Variants in ATP6V0A2 observed in about 807,000 individuals in gnomAD.
ATP6V0A2 encodes the protein ATPase H+ transporting V0 subunit a2.
Under a neutral mutation model 104.4 loss-of-function variants are expected in ATP6V0A2, and 58 were observed. The observed-to-expected ratio is 0.56, with a 90% CI of 0.45 to 0.69. ATP6V0A2 has a LOEUF of 0.69. ATP6V0A2 is among the 30% of genes least tolerant of loss of function. The pLI is 0.00. For missense variants in ATP6V0A2, 938 were observed against 1,062.9 expected, an observed-to-expected ratio of 0.88 and a Z score of 1.63; for synonymous variants, 376 against 397.9, an observed-to-expected ratio of 0.95 and a Z score of 0.65.
chr12:123,716,910 C>T (rs1342154090), intron 1 of ATP6V0A2, among the ~76,000 whole-genome samples: 2 of 145,406 alleles, frequency 1.4e-5, no homozygotes, highest in Non-Finnish European at 3.0e-5. Context: ...CTACCCCCAC[C>T]CCCCCAGCAC....
In ATP6V0A2 at chr12:123,743,820, TA is replaced by T; in HGVS notation, c.1075del (p.Ile359Ter). ...GTGCTACAATCCCCTCATTCATGAATATAATCCCCACAAAAGAAACACCCCC... is the reference window on the plus strand; with the variant it reads ...GTGCTACAATCCCCTCATTCATGAATTAATCCCCACAAAAGAAACACCCCC... ...SGATIPSFMN[I>X]IPTKETPPTR... On this transcript the variant is annotated frameshift_variant, in exon 10 of 20. Transcript: ENST00000330342. LOFTEE classifies it high-confidence loss of function. 2 of 1,614,172 alleles carry T rather than the reference TA, an allele frequency of 1.2e-6. No individual in the cohort carries two copies. Among genetic ancestry groups the T allele is most frequent in the Non-Finnish European group, 1.7e-6 (2 of 1,180,018 alleles).
intron 9 of ATP6V0A2, among the ~76,000 whole-genome samples, chr12:123,743,346 C>T (rs1225533463): frequency 1.3e-5 from 2 of 152,186 alleles, no homozygotes; most frequent in Non-Finnish European, 2.9e-5. Flanking sequence ...AAGCCACACA[C>T]ACAGCGTTGC....
rs1956528551 is a variant in ATP6V0A2, at chr12:123,734,005, A to G, written c.728A>G (p.Asp243Gly). 6.2e-7 allele frequency: 1 copy of G among 1,610,728 alleles called. No individual in the cohort carries two copies. The highest frequency in any genetic ancestry group is 1.7e-5 in the Admixed American group (1 of 60,010). ...GGCCACAAGGTTAAGAAGATATGTG[A>G]TTGGTAAGAAAAAGAAACATTTCAT... is the stretch of plus-strand genomic sequence containing the variant. ...QIGHKVKKIC[D>G]CYHCHVYPYP... The change falls in exon 7 of 20, where the codon GAT becomes GGT. Residue 243 changes from aspartate (D) to glycine (G), a missense_variant. Physicochemically the swap from Asp to Gly is moderately conservative, Grantham distance 94 (BLOSUM62 -1). Coordinates refer to ENST00000330342, the MANE Select transcript of ATP6V0A2 (RefSeq NM_012463.4).
intron 2 of ATP6V0A2, among the ~76,000 whole-genome samples, chr12:123,722,118 T>C (rs1956405761): frequency 6.6e-6 from 1 of 152,202 alleles, no homozygotes; most frequent in South Asian, 2.1e-4. Flanking sequence ...CACTAAGAAA[T>C]AGAAGAGGTT....
intron 1 of ATP6V0A2, among the ~76,000 whole-genome samples, chr12:123,715,076 G>A (rs1215031046): frequency 6.6e-6 from 1 of 152,112 alleles, no homozygotes; most frequent in Non-Finnish European, 1.5e-5. Flanking sequence ...GCGAGACTCC[G>A]TCTCAAAAAA....
At chr12:123,724,892 A>T in intron 4 of ATP6V0A2, 101 bp downstream of exon 4, 1 of 873,774 alleles carries the variant, frequency 1.1e-6, no homozygotes, top group Non-Finnish European at 1.8e-6. Context: ...GTTCATATAG[A>T]TATGTTGCTT....
rs1317156482 is a variant in ATP6V0A2, at chr12:123,737,274, A to G, written c.1038+3A>G. The G allele has an allele frequency of 6.2e-7, 1 of 1,613,848 alleles. No individual in the cohort carries two copies. Among genetic ancestry groups the G allele is most frequent in the African/African-American group, 1.3e-5 (1 of 74,898 alleles). ...GCCGGGCACTGGAGGAGGGCTCGGT[A>G]AGGCTGCCTTCCTCTCCTCTGCCAG... On this transcript the variant is annotated splice_donor_region_variant and intron_variant, in intron 9 of 19. Coordinates refer to ENST00000330342, the MANE Select transcript of ATP6V0A2 (RefSeq NM_012463.4).
intron 13 of ATP6V0A2, 42 bp downstream of exon 13, chr12:123,745,014 G>C: frequency 6.3e-7 from 1 of 1,587,276 alleles, no homozygotes; most frequent in Non-Finnish European, 8.7e-7. Context: ...GATGCTCTGT[G>C]GTGCCACCTA....
intron 2 of ATP6V0A2, among the ~76,000 whole-genome samples, chr12:123,720,058 C>A (rs1956384303): frequency 6.6e-6 from 1 of 152,182 alleles, no homozygotes; most frequent in Non-Finnish European, 1.5e-5. Flanking sequence ...TTCTTCCTTT[C>A]TCTCGGCTGA....
intron 1 of ATP6V0A2, among the ~76,000 whole-genome samples, chr12:123,717,420 T>C (rs1956353967): frequency 6.7e-6 from 1 of 150,224 alleles, no homozygotes; most frequent in African/African-American, 2.4e-5. Context: ...GGATATAGAC[T>C]GTAATTTCTT....
chr12:123,733,296 A>C (rs1396561858), intron 6 of ATP6V0A2: 4 of 149,274 alleles, frequency 2.7e-5, no homozygotes, highest in Non-Finnish European at 5.9e-5. Context: ...CTGGGCACCA[A>C]GAGAGAGACT....
At chr12:123,737,523 A>T in intron 9 of ATP6V0A2, 1 of 465,792 alleles carries the variant, frequency 2.1e-6, no homozygotes, top group South Asian at 2.1e-5. Context: ...TGCTGGGATT[A>T]CAGGTGTGAG....
chr12:123,759,352 G>A lies in ATP6V0A2; in HGVS notation c.*1320G>A, dbSNP rs887970748. ...GTTTCTAGCTAAAGTTCTGATAAAA[G>A]TATTGAGTTAATTTAAACTTTCAAA... On this transcript the variant is annotated 3_prime_UTR_variant, in exon 20 of 20. Transcript: ENST00000330342. 1.3e-5 allele frequency: 2 copies of A among 152,138 alleles called. No individual in the cohort carries two copies. The highest frequency in any genetic ancestry group is 4.8e-5 in the African/African-American group (2 of 41,424). 9.4% of individuals were successfully genotyped at this position (152,138 alleles called of 1,614,324 possible).
rs1555299758 is a variant in ATP6V0A2, at chr12:123,756,098, A to AAC, written c.2294-716_2294-715dup. ...TCTGTCTCAAAAAAAAAAAAAAAAA[A>AAC]ACCGAAAAACAACTCTCTTATTGTT... On this transcript the variant is annotated intron_variant, in intron 18 of 19. Transcript: ENST00000330342. Among the ~76,000 whole-genome samples the AAC allele has an allele frequency of 1.6e-4, 23 of 144,358 alleles. 1 individual carries two copies. The highest frequency in any genetic ancestry group is 6.5e-4 in the South Asian group (3 of 4,612). 94.7% of individuals were successfully genotyped at this position (144,358 alleles called of 152,430 possible). A position where few individuals can be genotyped will look rare whatever the true frequency, so the allele number is the denominator to read the frequency against.
At chr12:123,733,850 G>T in intron 6 of ATP6V0A2, 76 bp from the exon 7 acceptor site, 1 of 991,676 alleles carries the variant, frequency 1.0e-6, no homozygotes, top group South Asian at 1.3e-5. Flanking sequence ...TGAACGCTTT[G>T]ACAGTGTTTG....
At position 123,744,339 on chromosome 12, in the gene ATP6V0A2, T is replaced by C. The variant is rs531540865; in HGVS notation, c.1326+2T>C. The C allele has an allele frequency of 6.2e-7, 1 of 1,614,026 alleles. No homozygotes were observed. Among genetic ancestry groups the C allele is most frequent in the South Asian group, 1.1e-5 (1 of 91,072 alleles). On this transcript the variant is annotated splice_donor_variant, in intron 11 of 19. Coordinates refer to ENST00000330342, the MANE Select transcript of ATP6V0A2 (RefSeq NM_012463.4). LOFTEE classifies it high-confidence loss of function. The surrounding 1 kb of genome is among the most constrained non-coding windows in gnomAD (Gnocchi z 5.4). ...CCCAGACTAAATCAGTCACAAGAGG[T>C]AAAAATATAAACACTCCAGCTCATA...
chr12:123,712,903 C>A (rs1956306638), intron 1 of ATP6V0A2, among the ~76,000 whole-genome samples: 1 of 152,156 alleles, frequency 6.6e-6, no homozygotes, highest in South Asian at 2.1e-4. Flanking sequence ...GCTGCTCTGC[C>A]CCAGTTAGTT....
At chr12:123,714,751 A>AC (rs1275150619) in intron 1 of ATP6V0A2, among the ~76,000 whole-genome samples, 1 of 152,040 alleles carries the variant, frequency 6.6e-6, no homozygotes, top group South Asian at 2.1e-4. Flanking sequence ...GGGAAAAAAA[A>AC]CCCAAAATTT....
At chr12:123,727,292 CTTTTT>C (rs10607481) in intron 5 of ATP6V0A2, among the ~76,000 whole-genome samples, 1 of 146,916 alleles carries the variant, frequency 6.8e-6, no homozygotes, top group Non-Finnish European at 1.5e-5. Flanking sequence ...GAATTTCTCT[CTTTTT>C]TTTTTTTTTG....
Sources: gnomAD v4.1 joint callset for allele counts (sites outside exome capture counted in the v4.1 genomes callset) on GRCh38, gnomAD v4.1.1 for gene constraint, Gnocchi (gnomAD v3.1) non-coding constraint, MANE v1.5 for transcripts, NCBI Gene and HGNC (gene_info 2026-07-23, HGNC 2026-07-21) for gene names.